The following PTPRN2 variants were observed in gnomAD, a reference collection of about 807,000 sequenced individuals.
PTPRN2 encodes receptor-type tyrosine-protein phosphatase N2.
In PTPRN2, 74 loss-of-function variants were observed where a neutral mutation model predicts 118.8. The ratio of observed to expected loss-of-function variants is 0.62; its 90% CI spans 0.52 to 0.76. PTPRN2 has a LOEUF of 0.76. PTPRN2 is among the 30% of genes least tolerant of loss of function. The probability of loss-of-function intolerance (pLI) is 0.00; values close to 1 mark genes in which losing one functional copy is unlikely to be tolerated. For synonymous variants in PTPRN2, 641 were observed against 608.0 expected, an observed-to-expected ratio of 1.05 and a Z score of -0.80; for missense variants, 1,481 against 1,394.4, an observed-to-expected ratio of 1.06 and a Z score of -0.99.
intron 11 of PTPRN2, among the ~76,000 whole-genome samples, chr7:157,982,059 T>G (rs540703277): frequency 8.2e-6 from 1 of 121,576 alleles, no homozygotes; most frequent in African/African-American, 3.1e-5. Flanking sequence ...ATCATAGAGA[T>G]GAGGAGGGGA....
intron 5 of PTPRN2, among the ~76,000 whole-genome samples, chr7:158,188,645 C>T (rs531015784): frequency 2.2e-5 from 3 of 133,822 alleles, no homozygotes; most frequent in Admixed American, 7.5e-5. Flanking sequence ...CCGCCACGCT[C>T]GCCCCCTGAT....
intron 11 of PTPRN2, among the ~76,000 whole-genome samples, chr7:158,008,065 TGG>T (rs1257539244): frequency 7.4e-6 from 1 of 135,506 alleles, no homozygotes; most frequent in African/African-American, 3.0e-5. Flanking sequence ...GTGCTGTGTG[TGG>T]GTGTGCTGTG....
chr7:158,098,837 G>A (rs1400976325), intron 10 of PTPRN2, among the ~76,000 whole-genome samples: 1 of 152,012 alleles, frequency 6.6e-6, no homozygotes, highest in Non-Finnish European at 1.5e-5. Flanking sequence ...AGCAGTGGGG[G>A]ACGGGGAACG....
chr7:158,081,204 T>G, intron 11 of PTPRN2, 94 bp downstream of exon 11: 2 of 1,272,520 alleles, frequency 1.6e-6, no homozygotes, highest in Non-Finnish European at 2.3e-6. Context: ...AGTGTGAGTC[T>G]CTCTCTGCCC....
chr7:157,934,479 G>A (rs866245114), intron 11 of PTPRN2, among the ~76,000 whole-genome samples: 2 of 152,170 alleles, frequency 1.3e-5, no homozygotes, highest in African/African-American at 2.4e-5. Flanking sequence ...CTGGCACATC[G>A]GCTCACCTCG....
Position 158,123,561 on chromosome 7 carries a change from G to A in PTPRN2, c.1556+10116C>T, listed in dbSNP as rs542335598. The stretch of plus-strand genomic sequence containing the variant: ...TCCTGCGGACCGCCATGCAGCCCCG[G>A]AGCTCGTGTGCCGCACCCAGGCCAA... On this transcript the variant is annotated intron_variant, in intron 9 of 22. Transcript: ENST00000389418. 1.4e-3 allele frequency among the ~76,000 whole-genome samples: 218 copies of A among 152,272 alleles called. No homozygotes were observed. In the Middle Eastern group the frequency reaches 0.027, roughly 19 times the overall value.
chr7:158,378,514 T>G (rs1810722956), intron 2 of PTPRN2, among the ~76,000 whole-genome samples: 1 of 152,192 alleles, frequency 6.6e-6, no homozygotes, highest in African/African-American at 2.4e-5. Context: ...CTCCCCACAG[T>G]GAGCTGCTCC....
At chr7:158,454,287 G>T in intron 2 of PTPRN2, among the ~76,000 whole-genome samples, 1 of 151,708 alleles carries the variant, frequency 6.6e-6, no homozygotes, top group East Asian at 1.9e-4. Context: ...AGTTGTTATG[G>T]AGGACAGACA....
rs73165831 is a variant in PTPRN2 at position 157,760,377 on chromosome 7, G to A, written c.1789-77440C>T. On this transcript the variant is annotated intron_variant, in intron 12 of 22. Coordinates refer to ENST00000389418, the MANE Select transcript of PTPRN2 (RefSeq NM_002847.5). Reference sequence around the variant, plus strand: ...GGGTGCACGTTCTCGGTGTCCCCACGTTCAGCTCTACATGCACGACCCCAA... The same window carrying A: ...GGGTGCACGTTCTCGGTGTCCCCACATTCAGCTCTACATGCACGACCCCAA... Among the ~76,000 whole-genome samples the A allele has an allele frequency of 5.6e-3, 852 of 151,852 alleles. 9 individuals carry two copies. The highest frequency in any genetic ancestry group is 0.016 in the South Asian group (76 of 4,778).
chr7:157,852,323 A>G (rs147669184), intron 12 of PTPRN2, among the ~76,000 whole-genome samples: 1 of 152,204 alleles, frequency 6.6e-6, no homozygotes, highest in African/African-American at 2.4e-5. Flanking sequence ...TAACCTGACT[A>G]AAAAAAGTAG....
intron 1 of PTPRN2, among the ~76,000 whole-genome samples, chr7:158,531,083 C>A (rs1825197415): frequency 6.6e-6 from 1 of 152,098 alleles, no homozygotes; most frequent in Admixed American, 6.6e-5. Flanking sequence ...CAAAAACAAA[C>A]CACAACAGAC....
At chr7:158,184,662 A>G (rs1202621431) in intron 5 of PTPRN2, among the ~76,000 whole-genome samples, 1 of 152,164 alleles carries the variant, frequency 6.6e-6, no homozygotes, top group Non-Finnish European at 1.5e-5. Flanking sequence ...AAATGCAAAA[A>G]TTAGCCGGGC....
At chr7:158,388,326 C>G (rs751929746) in intron 2 of PTPRN2, among the ~76,000 whole-genome samples, 6 of 152,330 alleles carry the variant, frequency 3.9e-5, no homozygotes, top group Admixed American at 1.3e-4. Flanking sequence ...AGACCACCCC[C>G]CCATGAGGGC....
At chr7:158,010,734 A>G (rs922699669) in intron 11 of PTPRN2, among the ~76,000 whole-genome samples, 2 of 152,260 alleles carry the variant, frequency 1.3e-5, no homozygotes, top group African/African-American at 4.8e-5. Flanking sequence ...TAAAAAGTCT[A>G]TTTTTTAAAA....
intron 12 of PTPRN2, among the ~76,000 whole-genome samples, chr7:157,870,449 A>G (rs1381425949): frequency 1.3e-5 from 2 of 152,174 alleles, no homozygotes; most frequent in Non-Finnish European, 2.9e-5. Context: ...TGACTTCATC[A>G]TTGTTCCACC....
chr7:158,333,237 C>G lies in PTPRN2; in HGVS notation c.164-16305G>C, dbSNP rs1804854299. Reference sequence around the variant, plus strand: ...CGCAGACGTGACTCACACCCACACTCTCCCCAAAAGAGCTGTCGCCCGCAG... The same window carrying G: ...CGCAGACGTGACTCACACCCACACTGTCCCCAAAAGAGCTGTCGCCCGCAG... On this transcript the variant is annotated intron_variant, in intron 2 of 22. Transcript: ENST00000389418. Among the ~76,000 whole-genome samples, 2 of 126,650 alleles carry G rather than the reference C, an allele frequency of 1.6e-5. 1 individual carries two copies. The highest frequency in any genetic ancestry group is 3.3e-5 in the Non-Finnish European group (2 of 60,060). The allele number at this position is 126,650 out of a possible 152,430, so 83.1% of individuals were successfully genotyped here.
At chr7:158,161,243 C>T (rs1460408931) in intron 6 of PTPRN2, among the ~76,000 whole-genome samples, 1 of 152,112 alleles carries the variant, frequency 6.6e-6, no homozygotes, top group Non-Finnish European at 1.5e-5. Flanking sequence ...TATGTAGAGG[C>T]GAGTGACCCA....
At chr7:157,640,484 A>G (rs1201396027) in intron 14 of PTPRN2, among the ~76,000 whole-genome samples, 5 of 152,246 alleles carry the variant, frequency 3.3e-5, no homozygotes, top group South Asian at 2.1e-4. Flanking sequence ...AATGTAAATT[A>G]TATATGGTTT....
rs561407030 is a variant in PTPRN2, at chr7:157,660,455, A to G, written c.2002-3904T>C. On this transcript the variant is annotated intron_variant, in intron 13 of 22. Transcript: ENST00000389418. ...TTTATTGTATTTATTTTTCTCCCAA[A>G]GTCACCAATAGCAAACAACCACAAA... is the stretch of plus-strand genomic sequence containing the variant. Among the ~76,000 whole-genome samples, 3 of 152,314 alleles carry G rather than the reference A, an allele frequency of 2.0e-5. No individual in the cohort carries two copies. In the South Asian group the frequency reaches 6.2e-4, roughly 32 times the overall value.
Sources: gnomAD v4.1 joint callset for allele counts (sites outside exome capture counted in the v4.1 genomes callset) on GRCh38, gnomAD v4.1.1 for gene constraint, MANE v1.5 for transcripts, NCBI Gene and HGNC (gene_info 2026-07-23, HGNC 2026-07-21) for gene names.